Variants in SFMBT2 observed in about 807,000 individuals in gnomAD.
The protein encoded by SFMBT2 is scm-like with four MBT domains protein 2.
In SFMBT2, 38 loss-of-function variants were observed where a neutral mutation model predicts 110.1. The observed-to-expected ratio is 0.35, with a 90% CI of 0.27 to 0.45. The LOEUF (loss-of-function observed/expected upper bound fraction) is 0.45. SFMBT2 is among the 20% of genes least tolerant of loss of function. The probability of loss-of-function intolerance (pLI) is 1.00; values close to 1 mark genes in which losing one functional copy is unlikely to be tolerated. For missense variants in SFMBT2, 1,011 were observed against 1,094.9 expected (o/e 0.92, Z 1.08); for synonymous variants, 425 against 425.4 (o/e 1.00, Z 0.01).
chr10:7,207,473 G>A (rs866965249), intron 11 of SFMBT2: 63 of 13,482 alleles, frequency 4.7e-3, no homozygotes, highest in Non-Finnish European at 8.6e-3. Flanking sequence ...GAAAGAAAGA[G>A]AAAGGAAGGA....
At chr10:7,376,967 G>C (rs1225081122) in intron 2 of SFMBT2, among the ~76,000 whole-genome samples, 1 of 150,850 alleles carries the variant, frequency 6.6e-6, no homozygotes, top group Non-Finnish European at 1.5e-5. Context: ...TCAGGAGATC[G>C]AGACCGTCCT....
intron 4 of SFMBT2, among the ~76,000 whole-genome samples, chr10:7,360,492 T>A (rs1392820690): frequency 4.0e-5 from 6 of 151,422 alleles, no homozygotes; most frequent in South Asian, 4.2e-4. Flanking sequence ...AAAAAGAGAG[T>A]GTGTGGCATA....
At chr10:7,285,069 A>G (rs561340575) in intron 5 of SFMBT2, 1 of 152,350 alleles carries the variant, frequency 6.6e-6, no homozygotes, top group African/African-American at 2.4e-5. Context: ...GGAAAGTTTA[A>G]GGTTAAGAGA....
intron 7 of SFMBT2, among the ~76,000 whole-genome samples, chr10:7,255,351 T>C (rs1489479478): frequency 6.6e-6 from 1 of 152,252 alleles, no homozygotes; most frequent in Non-Finnish European, 1.5e-5. Flanking sequence ...AGAATGATGT[T>C]ATTCCCGTTA....
chr10:7,391,552 G>A (rs753830651), intron 1 of SFMBT2, among the ~76,000 whole-genome samples: 7 of 151,572 alleles, frequency 4.6e-5, no homozygotes, highest in Admixed American at 6.6e-5. Flanking sequence ...TTCCCCCTAC[G>A]TCCACCCAGG....
At chr10:7,326,245 C>G (rs1387689437) in intron 4 of SFMBT2, among the ~76,000 whole-genome samples, 1 of 152,200 alleles carries the variant, frequency 6.6e-6, no homozygotes, top group Non-Finnish European at 1.5e-5. Context: ...CAACTTAGAG[C>G]TGGAATTAGG....
chr10:7,327,447 A>G (rs1160270596), intron 4 of SFMBT2, among the ~76,000 whole-genome samples: 1 of 152,132 alleles, frequency 6.6e-6, no homozygotes, highest in Non-Finnish European at 1.5e-5. Flanking sequence ...TTGGGAGGCC[A>G]AGGTGGGCAG....
intron 12 of SFMBT2, chr10:7,203,680 A>G (rs1839030227): frequency 1.0e-6 from 1 of 984,934 alleles, no homozygotes; most frequent in Non-Finnish European, 1.2e-6. Flanking sequence ...GGGAGAATCT[A>G]TTGGCCATGC....
chr10:7,260,870 A>G (rs1841174013), intron 7 of SFMBT2, among the ~76,000 whole-genome samples: 1 of 152,154 alleles, frequency 6.6e-6, no homozygotes, highest in African/African-American at 2.4e-5. Flanking sequence ...GGCAACACTG[A>G]ATACTCTCAG....
At chr10:7,388,147 C>A (rs1050494853) in intron 1 of SFMBT2, among the ~76,000 whole-genome samples, 1 of 151,822 alleles carries the variant, frequency 6.6e-6, no homozygotes, top group Non-Finnish European at 1.5e-5. Context: ...TCCAGGCATG[C>A]GAAGGCATCT....
intron 4 of SFMBT2, among the ~76,000 whole-genome samples, chr10:7,316,071 A>G (rs140265266): frequency 2.6e-5 from 4 of 152,368 alleles, no homozygotes; most frequent in African/African-American, 7.2e-5. Context: ...GAAGAGATAC[A>G]AAGACCATGC....
At chr10:7,207,330 G>A (rs562433757) in intron 11 of SFMBT2, among the ~76,000 whole-genome samples, 21 of 150,950 alleles carry the variant, frequency 1.4e-4, no homozygotes, top group African/African-American at 5.1e-4. Context: ...ATTGTACTCT[G>A]GCCTAAGTGA....
intron 4 of SFMBT2, among the ~76,000 whole-genome samples, chr10:7,359,920 T>C (rs1252574256): frequency 6.6e-6 from 1 of 151,052 alleles, no homozygotes; most frequent in African/African-American, 2.4e-5. Context: ...AAGCATCGAT[T>C]TCAGAACTGG....
intron 8 of SFMBT2, among the ~76,000 whole-genome samples, chr10:7,247,876 T>G (rs1335211763): frequency 6.6e-6 from 1 of 152,166 alleles, no homozygotes; most frequent in Non-Finnish European, 1.5e-5. Flanking sequence ...TACTGGTTTT[T>G]AAAATTTTTT....
chr10:7,300,914 T>C (rs1444327430), intron 4 of SFMBT2, among the ~76,000 whole-genome samples: 1 of 152,206 alleles, frequency 6.6e-6, no homozygotes, highest in African/African-American at 2.4e-5. Flanking sequence ...AGATGATAAA[T>C]TGCTTCTACT....
At chr10:7,364,093 C>T (rs777160272) in intron 4 of SFMBT2, among the ~76,000 whole-genome samples, 3 of 152,158 alleles carry the variant, frequency 2.0e-5, no homozygotes, top group Admixed American at 6.5e-5. Flanking sequence ...GAACAACTGC[C>T]GCCTCTGGCT....
chr10:7,389,034 C>T (rs555586668), intron 1 of SFMBT2, among the ~76,000 whole-genome samples: 7 of 152,318 alleles, frequency 4.6e-5, no homozygotes, highest in Non-Finnish European at 8.8e-5. Context: ...ATCAACAGAA[C>T]GCCGTAGAAA....
chr10:7,333,404 T>C (rs557370736), intron 4 of SFMBT2, among the ~76,000 whole-genome samples: 1 of 151,642 alleles, frequency 6.6e-6, no homozygotes, highest in African/African-American at 2.4e-5. Flanking sequence ...TTTTTTTTTT[T>C]TTTTAAGGGA....
intron 16 of SFMBT2, among the ~76,000 whole-genome samples, chr10:7,184,589 A>G (rs1445793498): frequency 6.6e-6 from 1 of 152,160 alleles, no homozygotes; most frequent in Non-Finnish European, 1.5e-5. Flanking sequence ...ATGGATTTTG[A>G]GTCAAAAACA....
Sources: gnomAD v4.1 joint callset for allele counts (sites outside exome capture counted in the v4.1 genomes callset) on GRCh38, gnomAD v4.1.1 for gene constraint, MANE v1.5 for transcripts, NCBI Gene and HGNC (gene_info 2026-07-23, HGNC 2026-07-21) for gene names.